Variants in GHITM observed in about 807,000 individuals in gnomAD.
GHITM encodes the protein growth hormone inducible transmembrane protein.
A neutral mutation model predicts 38.7 loss-of-function variants in GHITM; 24 were observed. The ratio of observed to expected loss-of-function variants is 0.62; its 90% CI spans 0.45 to 0.87. The LOEUF (loss-of-function observed/expected upper bound fraction) is 0.87, where lower values mean the gene tolerates loss of function less well. Among genes scored for constraint, GHITM ranks in the 40% least tolerant of loss-of-function variants. The pLI is 0.00. For synonymous variants in GHITM, 154 were observed against 147.8 expected (o/e 1.04, Z -0.30); for missense variants, 420 against 429.8 (o/e 0.98, Z 0.20).
At chr10:84,143,962 G>T (rs1171030039) in intron 3 of GHITM, 33 bp from the exon 4 acceptor site, 1 of 1,325,644 alleles carries the variant, frequency 7.5e-7, no homozygotes, top group Admixed American at 1.7e-5. Flanking sequence ...AGATGTGCCA[G>T]TACTAACCTG....
In GHITM at chr10:84,141,641, C is replaced by T; in HGVS notation, c.129+12C>T. The T allele has an allele frequency of 6.2e-7, 1 of 1,612,850 alleles. No homozygotes were observed. Among genetic ancestry groups the T allele is most frequent in the Admixed American group, 1.7e-5 (1 of 59,994 alleles). On this transcript the variant is annotated intron_variant, in intron 2 of 8. Coordinates refer to ENST00000372134, the MANE Select transcript of GHITM (RefSeq NM_014394.3). ...TAACACCTAGCAGGGTAAAGATAAT[C>T]TGAATGTTTTTATATTGCTTCTTTT...
At chr10:84,151,255 G>A (rs1043366522) in intron 8 of GHITM, among the ~76,000 whole-genome samples, 1 of 152,098 alleles carries the variant, frequency 6.6e-6, no homozygotes, top group African/African-American at 2.4e-5. Context: ...ATTTTGTTGG[G>A]GGGCAGAGGA....
chr10:84,142,720 A>G lies in GHITM; in HGVS notation c.195A>G (p.Ala65=). ...RGRTGQELKE[A]ALEPSMEKIF... The stretch of plus-strand genomic sequence containing the variant: ...GAACTGGCCAAGAACTCAAAGAGGC[A>G]GCATTGGAACCATCGATGGAAAAAA... The change falls in exon 3 of 9, where the codon GCA becomes GCG. Residue 65 remains alanine, a synonymous_variant. Transcript: ENST00000372134. 6.2e-7 allele frequency: 1 copy of G among 1,610,580 alleles called. No individual in the cohort carries two copies. Among genetic ancestry groups the G allele is most frequent in the African/African-American group, 1.3e-5 (1 of 75,000 alleles).
intron 6 of GHITM, among the ~76,000 whole-genome samples, chr10:84,149,688 A>G (rs1388444250): frequency 6.6e-6 from 1 of 152,212 alleles, no homozygotes; most frequent in African/African-American, 2.4e-5. Flanking sequence ...TTTTGACAGC[A>G]GTAGGTTTGA....
At chr10:84,149,988 TAGA>T in intron 6 of GHITM, 64 bp from the exon 7 acceptor site, 1 of 1,249,438 alleles carries the variant, frequency 8.0e-7, no homozygotes, top group East Asian at 2.5e-5. Context: ...AGTGGCATGT[TAGA>T]AGTGATATTT....
At chr10:84,140,718 A>G (rs1841497904) in intron 1 of GHITM, 1 of 151,954 alleles carries the variant, frequency 6.6e-6, no homozygotes. Context: ...CCACCCATCT[A>G]GTATAATGTG....
At position 84,153,470 on chromosome 10, in the gene GHITM, C is replaced by T. The variant is rs538783767; in HGVS notation, c.*1122C>T. 5.3e-5 allele frequency among the ~76,000 whole-genome samples: 8 copies of T among 152,314 alleles called. No individual in the cohort carries two copies. The highest frequency in any genetic ancestry group is 1.9e-4 in the African/African-American group (8 of 41,570). Reference sequence around the variant, plus strand: ...TTTCCCCTAGCAGACTTTTACTTCTCTTACACTGCTACACCATTACTTTCT... The same window carrying T: ...TTTCCCCTAGCAGACTTTTACTTCTTTTACACTGCTACACCATTACTTTCT... On this transcript the variant is annotated 3_prime_UTR_variant, in exon 9 of 9. Transcript: ENST00000372134.
chr10:84,141,535 T>C lies in GHITM; in HGVS notation c.35T>C (p.Leu12Pro). 1.2e-6 allele frequency: 2 copies of C among 1,613,694 alleles called. No homozygotes were observed. The highest frequency in any genetic ancestry group is 1.7e-6 in the Non-Finnish European group (2 of 1,179,580). The change falls in exon 2 of 9, where the codon CTA becomes CCA. Residue 12 changes from leucine (L) to proline (P), a missense_variant. Physicochemically the swap from Leu to Pro is moderately conservative, Grantham distance 98 (BLOSUM62 -3). Transcript: ENST00000372134. Reference protein sequence around the residue: ...LAARLVCLRTLPSRVFHPAFT... With the variant: ...LAARLVCLRTPPSRVFHPAFT... ...GCAAGGCTGGTGTGTCTCCGGACAC[T>C]ACCTTCTAGGGTTTTCCACCCAGCT...
chr10:84,144,146 C>T, intron 4 of GHITM, 40 bp downstream of exon 4: 1 of 1,289,252 alleles, frequency 7.8e-7, no homozygotes, highest in Non-Finnish European at 1.1e-6. Flanking sequence ...CTAAACAACT[C>T]CAGCCTTAAA....
At position 84,153,040 on chromosome 10, in the gene GHITM, T is replaced by C. The variant is rs551198358; in HGVS notation, c.*692T>C. The C allele has an allele frequency of 1.3e-5, 2 of 152,348 alleles. No homozygotes were observed. The highest frequency in any genetic ancestry group is 2.1e-4 in the South Asian group (1 of 4,834). 9.4% of individuals were successfully genotyped at this position (152,348 alleles called of 1,614,324 possible). Reference sequence around the variant, plus strand: ...TACAGAATGTTAATCATACAGAGAATCCTTGATGGAATTATATATGTGTGT... The same window carrying C: ...TACAGAATGTTAATCATACAGAGAACCCTTGATGGAATTATATATGTGTGT... On this transcript the variant is annotated 3_prime_UTR_variant, in exon 9 of 9. Coordinates refer to ENST00000372134, the MANE Select transcript of GHITM (RefSeq NM_014394.3).
At chr10:84,140,332 C>G (rs952955540) in intron 1 of GHITM, 3 of 152,158 alleles carry the variant, frequency 2.0e-5, no homozygotes, top group Non-Finnish European at 4.4e-5. Flanking sequence ...TTGCAGAGCT[C>G]GGAGGACGCT....
At position 84,152,390 on chromosome 10, in the gene GHITM, GTTTA is replaced by G; in HGVS notation, c.*43_*46del. On this transcript the variant is annotated 3_prime_UTR_variant, in exon 9 of 9. Coordinates refer to ENST00000372134, the MANE Select transcript of GHITM (RefSeq NM_014394.3). ...GCTTCTCTGCTACATCAAATATCTT[GTTTA>G]ATGGGGCAGATATGCATTAAATAGT... 9.3e-7 allele frequency: 1 copy of G among 1,079,104 alleles called. No homozygotes were observed. The highest frequency in any genetic ancestry group is 1.4e-6 in the Non-Finnish European group (1 of 702,274). 66.8% of individuals were successfully genotyped at this position (1,079,104 alleles called of 1,614,324 possible).
chr10:84,140,251 C>G (rs1213977668), intron 1 of GHITM: 1 of 152,214 alleles, frequency 6.6e-6, no homozygotes, highest in African/African-American at 2.4e-5. Flanking sequence ...TGTAATGGCA[C>G]GAAAGTTCCA....
intron 3 of GHITM, among the ~76,000 whole-genome samples, chr10:84,143,083 A>G (rs941673572): frequency 6.6e-6 from 1 of 152,218 alleles, no homozygotes; most frequent in Non-Finnish European, 1.5e-5. Context: ...TGTATGTTTC[A>G]GATTAAGAAT....
intron 1 of GHITM, chr10:84,139,955 A>G (rs1010144239): frequency 6.6e-6 from 1 of 152,170 alleles, no homozygotes; most frequent in Admixed American, 6.5e-5. Context: ...ATCTGAATCT[A>G]GCGGGCTGGG....
At chr10:84,145,075 A>T (rs1841545078) in intron 5 of GHITM, 59 bp downstream of exon 5, 1 of 1,343,886 alleles carries the variant, frequency 7.4e-7, no homozygotes, top group Non-Finnish European at 1.0e-6. Context: ...TAGATAAAAT[A>T]TATTGGAGGG....
chr10:84,150,746 C>T lies in GHITM; in HGVS notation c.819C>T (p.Ala273=). The change falls in exon 8 of 9, where the codon GCC becomes GCT. Residue 273 remains alanine (A), a synonymous_variant. Transcript: ENST00000372134. ...TTCCACCTACCACCGTGGCTGGTGC[C>T]ACTCTTTACTCAGTGGCAATGTACG... ...MFLPPTTVAG[A]TLYSVAMYGG... 6.2e-7 allele frequency: 1 copy of T among 1,612,420 alleles called. No individual in the cohort carries two copies.
At chr10:84,142,925 G>A (rs1002834086) in intron 3 of GHITM, among the ~76,000 whole-genome samples, 171 bp downstream of exon 3, 3 of 152,096 alleles carry the variant, frequency 2.0e-5, no homozygotes, top group Non-Finnish European at 4.4e-5. Flanking sequence ...GGATTCAGTG[G>A]TTATCAATCA....
At chr10:84,145,716 A>G (rs561248791) in intron 5 of GHITM, among the ~76,000 whole-genome samples, 1 of 152,352 alleles carries the variant, frequency 6.6e-6, no homozygotes, top group South Asian at 2.1e-4. Flanking sequence ...AGAGAATTTG[A>G]ATATGTGTCC....
Sources: allele counts gnomAD v4.1 joint callset (sites outside exome capture counted in the v4.1 genomes callset), GRCh38; gene constraint gnomAD v4.1.1; transcripts MANE v1.5; gene names NCBI Gene and HGNC (gene_info 2026-07-23, HGNC 2026-07-21).